The following MRAP2 variants were observed in gnomAD, a reference collection of about 807,000 sequenced individuals.
MRAP2 encodes melanocortin 2 receptor accessory protein 2.
MRAP2 carries 20 observed loss-of-function variants against 17.4 expected under a neutral mutation model. That is an observed-to-expected ratio of 1.15 (90% confidence interval 0.81 to 1.67). MRAP2 has a LOEUF of 1.67. MRAP2 is among the 40% of genes most tolerant of loss of function. The probability of loss-of-function intolerance (pLI) is 0.00; values close to 1 mark genes in which losing one functional copy is unlikely to be tolerated. For missense variants in MRAP2, 238 were observed against 240.0 expected, an observed-to-expected ratio of 0.99 and a Z score of 0.05; for synonymous variants, 96 against 88.4, an observed-to-expected ratio of 1.09 and a Z score of -0.48.
chr6:84,033,945 G>A (rs1376009378), intron 1 of MRAP2, 62 bp downstream of exon 1: 3 of 981,942 alleles, frequency 3.1e-6, no homozygotes, highest in African/African-American at 3.5e-5. Flanking sequence ...GGTGCGGGGC[G>A]CGTGCAGCTT....
At chr6:84,082,795 G>A (rs1421384278) in intron 3 of MRAP2, among the ~76,000 whole-genome samples, 1 of 151,928 alleles carries the variant, frequency 6.6e-6, no homozygotes, top group East Asian at 1.9e-4. Context: ...TTAATTCATA[G>A]TACCCACTCC....
the MRAP2 span, among the ~76,000 whole-genome samples, chr6:84,121,109 C>CTTTTTTTTTTTTTTTTTT: frequency 6.8e-6 from 1 of 146,626 alleles, no homozygotes. Flanking sequence ...CAGGGTCTTA[C>CTTTTTTTTTTTTTTTTTT]TCTGTTCCAG....
At chr6:84,071,091 A>G (rs1053001564) in intron 3 of MRAP2, among the ~76,000 whole-genome samples, 3 of 152,098 alleles carry the variant, frequency 2.0e-5, no homozygotes, top group African/African-American at 4.8e-5. Flanking sequence ...AAGAGGTACC[A>G]TTGCATTCAT....
At chr6:84,092,227 T>A (rs531875095), downstream of MRAP2, among the ~76,000 whole-genome samples, 11 of 152,318 alleles carry the variant, frequency 7.2e-5, no homozygotes, top group African/African-American at 2.2e-4. Context: ...TTTAATCACA[T>A]CTGTAAAGTG....
chr6:84,143,719 C>G, the MRAP2 span, among the ~76,000 whole-genome samples: 320 of 151,950 alleles, frequency 2.1e-3, no homozygotes, highest in African/African-American at 7.3e-3. Context: ...TAAAAATGAG[C>G]CTTAATGTCA....
chr6:84,120,939 G>A, the MRAP2 span, among the ~76,000 whole-genome samples: 17 of 152,200 alleles, frequency 1.1e-4, no homozygotes, highest in African/African-American at 3.9e-4. Flanking sequence ...TCCAAACTGC[G>A]ATGTGCTGTA....
At chr6:84,033,992 C>T (rs1331965778) in intron 1 of MRAP2, 109 bp downstream of exon 1, 19 of 855,372 alleles carry the variant, frequency 2.2e-5, no homozygotes, top group African/African-American at 3.7e-5. Flanking sequence ...TGGGGGCAGT[C>T]TTTAGTTTAG....
the MRAP2 span, among the ~76,000 whole-genome samples, chr6:84,117,206 A>G: frequency 6.6e-6 from 1 of 152,120 alleles, no homozygotes; most frequent in African/African-American, 2.4e-5. Flanking sequence ...TATTTTTAGT[A>G]GAGACAAAGT....
At chr6:84,093,139 C>T (rs1478856395), downstream of MRAP2, among the ~76,000 whole-genome samples, 1 of 152,180 alleles carries the variant, frequency 6.6e-6, no homozygotes, top group East Asian at 1.9e-4. Context: ...TTTATCTTGC[C>T]CTCACTCTGT....
intron 1 of MRAP2, among the ~76,000 whole-genome samples, chr6:84,042,221 A>G (rs926617567): frequency 6.6e-6 from 1 of 152,250 alleles, no homozygotes; most frequent in African/African-American, 2.4e-5. Flanking sequence ...TTCCCTTTCC[A>G]CCATGACTGT....
At chr6:84,039,153 G>C (rs756695665) in intron 1 of MRAP2, among the ~76,000 whole-genome samples, 1 of 152,142 alleles carries the variant, frequency 6.6e-6, no homozygotes, top group Non-Finnish European at 1.5e-5. Context: ...ATAAATACTT[G>C]AAAGAAAATA....
chr6:84,067,426 A>G (rs1421390800), intron 3 of MRAP2, among the ~76,000 whole-genome samples: 1 of 152,076 alleles, frequency 6.6e-6, no homozygotes, highest in Admixed American at 6.6e-5. Context: ...CAAATGGTAG[A>G]CCTACTTTTA....
At position 84,089,340 on chromosome 6, in the gene MRAP2, C is replaced by T. The variant is rs9449776; in HGVS notation, c.477C>T (p.Asn159=). The change falls in exon 4 of 4, where the codon AAC becomes AAT. Residue 159 remains asparagine (N), a synonymous_variant. Coordinates refer to ENST00000257776, the MANE Select transcript of MRAP2 (RefSeq NM_138409.4). Reference sequence around the variant, plus strand: ...GTGGGCAGCCAGAGGAGGAGCTGAACAGGCTCATGAAGTTTGACATCCCCA... The same window carrying T: ...GTGGGCAGCCAGAGGAGGAGCTGAATAGGCTCATGAAGTTTGACATCCCCA... The part of the protein sequence containing the change: ...RSSGQPEEEL[N]RLMKFDIPNF... 0.092 allele frequency: 149,206 copies of T among 1,613,978 alleles called. 15,294 individuals are homozygous for T. The highest frequency in any genetic ancestry group is 0.53 in the African/African-American group (39,791 of 74,898).
the MRAP2 span, among the ~76,000 whole-genome samples, chr6:84,097,795 G>T: frequency 1.6e-3 from 246 of 151,770 alleles, no homozygotes; most frequent in African/African-American, 5.7e-3. Flanking sequence ...TTATTATTTG[G>T]CAGACATTGT....
intron 1 of MRAP2, chr6:84,052,789 C>G: frequency 2.0e-6 from 2 of 985,176 alleles, no homozygotes; most frequent in Non-Finnish European, 2.4e-6. Flanking sequence ...TAGGCTGGCT[C>G]TGGTATTCAC....
At chr6:84,108,049 AC>A in the MRAP2 span, among the ~76,000 whole-genome samples, 1 of 152,324 alleles carries the variant, frequency 6.6e-6, no homozygotes, top group South Asian at 2.1e-4. Flanking sequence ...GGATGTATGC[AC>A]AGCATTTAGT....
chr6:84,065,314 T>C (rs1255502652), intron 3 of MRAP2, among the ~76,000 whole-genome samples: 2 of 152,036 alleles, frequency 1.3e-5, no homozygotes, highest in African/African-American at 2.4e-5. Flanking sequence ...ACACAAACAT[T>C]TTAAATGAAA....
At chr6:84,133,475 C>T in the MRAP2 span, among the ~76,000 whole-genome samples, 1 of 152,212 alleles carries the variant, frequency 6.6e-6, no homozygotes, top group Non-Finnish European at 1.5e-5. Context: ...TCTATAGAGG[C>T]AGGCAGGCTG....
chr6:84,104,545 G>T, the MRAP2 span, among the ~76,000 whole-genome samples: 5 of 152,162 alleles, frequency 3.3e-5, no homozygotes, highest in Non-Finnish European at 7.3e-5. Context: ...CAGTACCCAA[G>T]TCACCTCTTG....
Sources: allele counts gnomAD v4.1 joint callset (sites outside exome capture counted in the v4.1 genomes callset), GRCh38; gene constraint gnomAD v4.1.1; transcripts MANE v1.5; gene names NCBI Gene and HGNC (gene_info 2026-07-23, HGNC 2026-07-21).